NDUFS6: variants seen among roughly 807,000 people sequenced by gnomAD.
NDUFS6 encodes NADH dehydrogenase [ubiquinone] iron-sulfur protein 6, mitochondrial.
A neutral mutation model predicts 13.2 loss-of-function variants in NDUFS6; 14 were observed. The observed-to-expected ratio is 1.06, with a 90% CI of 0.70 to 1.66. The LOEUF (loss-of-function observed/expected upper bound fraction) is 1.66. Ranked by LOEUF, NDUFS6 falls within the 40% of genes most tolerant of loss-of-function variation. NDUFS6 has a pLI of 0.00. For synonymous variants in NDUFS6, 95 were observed against 72.3 expected, an observed-to-expected ratio of 1.31 and a Z score of -1.60; for missense variants, 206 against 170.8, an observed-to-expected ratio of 1.21 and a Z score of -1.15.
At position 1,801,425 on chromosome 5, in the gene NDUFS6, C is replaced by T. The variant is rs762298312; in HGVS notation, c.8C>T (p.Ala3Val). Residue 3 changes from alanine to valine, a missense_variant, in exon 1 of 4, where the codon GCG (alanine) becomes GTG (valine). Physicochemically the swap from Ala to Val is moderately conservative, Grantham distance 64 (BLOSUM62 0). Coordinates refer to ENST00000274137, the MANE Select transcript of NDUFS6 (RefSeq NM_004553.6). ...AAAGGCCAGCGGCGCAAAATGGCGG[C>T]GGCGATGACCTTCTGCCGGCTGCTG... MA[A>V]AMTFCRLLNR... The T allele has an allele frequency of 3.7e-6, 6 of 1,605,048 alleles. No individual in the cohort carries two copies. Among genetic ancestry groups the T allele is most frequent in the African/African-American group, 1.3e-5 (1 of 74,964 alleles).
intron 1 of NDUFS6, 121 bp downstream of exon 1, chr5:1,801,670 G>A: frequency 7.1e-7 from 1 of 1,416,640 alleles, no homozygotes; most frequent in Non-Finnish European, 9.3e-7. Flanking sequence ...TCGTGGTAAG[G>A]TTGTGCTGTC....
rs1471644237 is a variant in NDUFS6 at position 1,814,124 on chromosome 5, C to T, written c.187-215C>T. 6.6e-6 allele frequency among the ~76,000 whole-genome samples: 1 copy of T among 152,236 alleles called. No individual in the cohort carries two copies. The highest frequency in any genetic ancestry group is 1.5e-5 in the Non-Finnish European group (1 of 68,042). On this transcript the variant is annotated intron_variant, in intron 2 of 3. Coordinates refer to ENST00000274137, the MANE Select transcript of NDUFS6 (RefSeq NM_004553.6). The surrounding 1 kb of genome is among the most constrained non-coding windows in gnomAD (Gnocchi z 4.9). ...GGAAAGGCTCTGTGCTGCTGGGATT[C>T]TTGCAGTGCCTCTCCGCGTTTGGAA...
intron 2 of NDUFS6, among the ~76,000 whole-genome samples, chr5:1,811,417 A>G (rs1036428118): frequency 6.6e-6 from 1 of 152,222 alleles, no homozygotes; most frequent in Non-Finnish European, 1.5e-5. Context: ...CACACCTTAA[A>G]AATTATACTT....
chr5:1,809,188 G>A (rs1734173113), intron 2 of NDUFS6, among the ~76,000 whole-genome samples: 1 of 152,042 alleles, frequency 6.6e-6, no homozygotes, highest in South Asian at 2.1e-4. Flanking sequence ...AGTGACGGGC[G>A]AGGGACTCAT....
chr5:1,810,392 A>G (rs1421755568), intron 2 of NDUFS6, among the ~76,000 whole-genome samples: 3 of 152,118 alleles, frequency 2.0e-5, no homozygotes, highest in East Asian at 1.9e-4. Flanking sequence ...CCGGCGCTCT[A>G]CTTCCCATAG....
intron 2 of NDUFS6, among the ~76,000 whole-genome samples, chr5:1,806,675 C>T (rs528962946): frequency 9.2e-5 from 14 of 152,232 alleles, no homozygotes; most frequent in African/African-American, 3.1e-4. Flanking sequence ...TGGGTGACGG[C>T]GTGGAGCAAC....
chr5:1,813,284 G>C (rs1412714965), intron 2 of NDUFS6, among the ~76,000 whole-genome samples: 1 of 152,208 alleles, frequency 6.6e-6, no homozygotes, highest in Non-Finnish European at 1.5e-5. Flanking sequence ...CTCTTAAAGT[G>C]TTGGGAATTC....
At position 1,814,519 on chromosome 5, in the gene NDUFS6, C is replaced by A; in HGVS notation, c.309+58C>A. The A allele has an allele frequency of 6.2e-7, 1 of 1,613,194 alleles. No homozygotes were observed. The highest frequency in any genetic ancestry group is 2.2e-5 in the East Asian group (1 of 44,848). On this transcript the variant is annotated intron_variant, in intron 3 of 3. Transcript: ENST00000274137. This position sits in a 1 kb window ranked among gnomAD's most constrained non-coding sequence, Gnocchi z 4.9. ...GCAGCCTGCTCGTCCTCATACTCCC[C>A]TTCACTCCCAGTGCCTGTTCTTTCT...
chr5:1,813,659 G>C (rs1376471223), intron 2 of NDUFS6, among the ~76,000 whole-genome samples: 2 of 152,142 alleles, frequency 1.3e-5, no homozygotes, highest in African/African-American at 4.8e-5. Flanking sequence ...CAAGCAGGAC[G>C]TGAAGTTACC....
rs182811968 is a variant in NDUFS6 at position 1,814,413 on chromosome 5, C to T, written c.261C>T (p.Cys87=). 1.4e-5 allele frequency: 22 copies of T among 1,613,954 alleles called. No homozygotes were observed. The Admixed American group carries it at 1.5e-4, about 11-fold the overall frequency. ...AGGTGGAGACTCGGGTGATAGCGTGCGATGGCGGCGGGGGAGCTCTTGGCC... is the reference window on the plus strand; with the variant it reads ...AGGTGGAGACTCGGGTGATAGCGTGTGATGGCGGCGGGGGAGCTCTTGGCC... ...VSEVETRVIA[C]DGGGGALGHP... The change falls in exon 3 of 4, where the codon TGC becomes TGT. Residue 87 remains cysteine (C), a synonymous_variant. Transcript: ENST00000274137. The surrounding 1 kb of genome is among the most constrained non-coding windows in gnomAD (Gnocchi z 4.9).
In NDUFS6 at chr5:1,801,424, G is replaced by A. The variant is rs773264725; in HGVS notation, c.7G>A (p.Ala3Thr). MA[A>T]AMTFCRLLNR... is the part of the protein sequence containing the mutation. ...CAAAGGCCAGCGGCGCAAAATGGCG[G>A]CGGCGATGACCTTCTGCCGGCTGCT... The change falls in exon 1 of 4, where the codon GCG (alanine) becomes ACG (threonine). Residue 3 changes from alanine (A) to threonine (T), a missense_variant. Ala to Thr is a moderately conservative substitution (Grantham distance 58). Transcript: ENST00000274137. 7 of 1,605,232 alleles carry A rather than the reference G, an allele frequency of 4.4e-6. No individual in the cohort carries two copies. In the African/African-American group the frequency reaches 9.4e-5, roughly 21 times the overall value.
chr5:1,803,186 G>A (rs1043362476), intron 2 of NDUFS6, among the ~76,000 whole-genome samples: 11 of 152,196 alleles, frequency 7.2e-5, no homozygotes, highest in Non-Finnish European at 1.0e-4. Flanking sequence ...GTTTTTGTAC[G>A]TCTATTCCAG....
chr5:1,801,443 G>C lies in NDUFS6; in HGVS notation c.26G>C (p.Arg9Pro), dbSNP rs747196556. Reference sequence around the variant, plus strand: ...ATGGCGGCGGCGATGACCTTCTGCCGGCTGCTGAACCGGTGTGGCGAGGCG... The same window carrying C: ...ATGGCGGCGGCGATGACCTTCTGCCCGCTGCTGAACCGGTGTGGCGAGGCG... MAAAMTFC[R>P]LLNRCGEAAR... Residue 9 changes from arginine to proline, a missense_variant, in exon 1 of 4, where the codon CGG becomes CCG. Coordinates refer to ENST00000274137, the MANE Select transcript of NDUFS6 (RefSeq NM_004553.6). 3.1e-6 allele frequency: 5 copies of C among 1,605,182 alleles called. No individual in the cohort carries two copies. The Admixed American group carries it at 6.7e-5, about 21-fold the overall frequency.
In NDUFS6 at chr5:1,802,345, A is replaced by G; in HGVS notation, c.157A>G (p.Arg53Gly). 6.2e-7 allele frequency: 1 copy of G among 1,614,126 alleles called. No homozygotes were observed. The highest frequency in any genetic ancestry group is 8.5e-7 in the Non-Finnish European group (1 of 1,179,992). The part of the protein sequence containing the change: ...GQVYDDKDYR[R>G]IRFVGRQKEV... ...GGTTTATGATGATAAAGACTACAGG[A>G]GAATTCGGTTTGTAGGTCGTCAGAA... Residue 53 changes from arginine to glycine, a missense_variant, in exon 2 of 4, where the codon AGA (arginine) becomes GGA (glycine). By Grantham distance (125) the Arg-to-Gly change is moderately radical. Transcript: ENST00000274137.
chr5:1,815,757 C>G, intron 3 of NDUFS6, 94 bp from the exon 4 acceptor site: 1 of 1,276,792 alleles, frequency 7.8e-7, no homozygotes, highest in Non-Finnish European at 1.1e-6. Flanking sequence ...TTGTTTCTGA[C>G]AGTCTAAGTT....
At chr5:1,813,769 A>G (rs1734258638) in intron 2 of NDUFS6, among the ~76,000 whole-genome samples, 1 of 152,236 alleles carries the variant, frequency 6.6e-6, no homozygotes. Context: ...AAGAGAAAAC[A>G]CTTAGGAACA....
intron 2 of NDUFS6, 150 bp downstream of exon 2, chr5:1,802,524 A>C (rs985706166): frequency 1.0e-4 from 63 of 628,182 alleles, no homozygotes; most frequent in Non-Finnish European, 1.6e-4. Context: ...CCTTTCTTAA[A>C]ATCTTAATTG....
rs925005426 is a variant in NDUFS6, at chr5:1,814,863, C to T, written c.309+402C>T. ...CCACCGTGCCGCTCTGTGGGTTCCT[C>T]CTGGGGCCTCGCTCCGGGGCTTGCA... On this transcript the variant is annotated intron_variant, in intron 3 of 3. Coordinates refer to ENST00000274137, the MANE Select transcript of NDUFS6 (RefSeq NM_004553.6). This position sits in a 1 kb window ranked among gnomAD's most constrained non-coding sequence, Gnocchi z 4.9. 1.3e-5 allele frequency among the ~76,000 whole-genome samples: 2 copies of T among 152,184 alleles called. No homozygotes were observed. The highest frequency in any genetic ancestry group is 2.9e-5 in the Non-Finnish European group (2 of 68,036).
At chr5:1,806,280 C>G (rs1026660071) in intron 2 of NDUFS6, among the ~76,000 whole-genome samples, 1 of 152,172 alleles carries the variant, frequency 6.6e-6, no homozygotes, top group Admixed American at 6.5e-5. Flanking sequence ...TTCATCTGCC[C>G]GCCAGTGGGA....
Sources: allele counts gnomAD v4.1 joint callset (sites outside exome capture counted in the v4.1 genomes callset), GRCh38; gene constraint gnomAD v4.1.1; non-coding constraint Gnocchi (gnomAD v3.1); transcripts MANE v1.5; gene names NCBI Gene and HGNC (gene_info 2026-07-23, HGNC 2026-07-21).